The following GRM5 variants were observed in gnomAD, a reference collection of about 807,000 sequenced individuals.
GRM5 encodes the protein metabotropic glutamate receptor 5.
Under a neutral mutation model 83.1 loss-of-function variants are expected in GRM5, and 19 were observed. The ratio of observed to expected loss-of-function variants is 0.23; its 90% CI spans 0.16 to 0.34. The LOEUF is 0.34. Ranked by LOEUF, GRM5 falls within the 10% of genes least tolerant of loss-of-function variation. The probability of loss-of-function intolerance (pLI) is 1.00; values close to 1 mark genes in which losing one functional copy is unlikely to be tolerated. For missense variants in GRM5, 1,160 were observed against 1,588.3 expected (o/e 0.73, Z 4.58); for synonymous variants, 675 against 633.6 (o/e 1.07, Z -0.98).
chr11:88,643,547 A>T (rs1240698203), intron 4 of GRM5, among the ~76,000 whole-genome samples: 1 of 152,190 alleles, frequency 6.6e-6, no homozygotes, highest in Non-Finnish European at 1.5e-5. Context: ...ATTAGGGAAT[A>T]ATCCCCAAAA....
intron 2 of GRM5, among the ~76,000 whole-genome samples, chr11:88,872,787 G>A (rs867259160): frequency 6.6e-6 from 1 of 151,176 alleles, no homozygotes; most frequent in African/African-American, 2.4e-5. Flanking sequence ...AAGAACAAAT[G>A]TAAAAGAAGA....
At chr11:89,006,587 T>C (rs181420853) in intron 2 of GRM5, among the ~76,000 whole-genome samples, 1 of 152,208 alleles carries the variant, frequency 6.6e-6, no homozygotes, top group Non-Finnish European at 1.5e-5. Context: ...TCATTCATGA[T>C]TTGTCCCCTG....
intron 4 of GRM5, among the ~76,000 whole-genome samples, chr11:88,622,596 C>T (rs1418111888): frequency 1.3e-5 from 2 of 151,940 alleles, no homozygotes; most frequent in African/African-American, 2.4e-5. Flanking sequence ...GAGGGAGCTA[C>T]GAGGAAGGGG....
At chr11:88,635,785 T>C (rs1375188756) in intron 4 of GRM5, among the ~76,000 whole-genome samples, 1 of 152,170 alleles carries the variant, frequency 6.6e-6, no homozygotes, top group Non-Finnish European at 1.5e-5. Context: ...AGATTTTCCA[T>C]ATGTTTTCTT....
chr11:89,036,359 G>A (rs1231630678), intron 2 of GRM5, among the ~76,000 whole-genome samples: 1 of 151,976 alleles, frequency 6.6e-6, no homozygotes, highest in African/African-American at 2.4e-5. Flanking sequence ...ACATATATTG[G>A]TAACTTTCCT....
chr11:88,965,891 A>T (rs1938942523), intron 2 of GRM5, among the ~76,000 whole-genome samples: 1 of 152,158 alleles, frequency 6.6e-6, no homozygotes, highest in Non-Finnish European at 1.5e-5. Flanking sequence ...AATATTAGCT[A>T]CTACTTGATC....
rs189468878 is a variant in GRM5 at position 88,824,524 on chromosome 11, G to A, written c.911+25382C>T. Among the ~76,000 whole-genome samples, 388 of 152,254 alleles carry A rather than the reference G, an allele frequency of 2.5e-3. 1 individual carries two copies. Among genetic ancestry groups the A allele is most frequent in the African/African-American group, 9.1e-3 (380 of 41,538 alleles). On this transcript the variant is annotated intron_variant, in intron 3 of 9. Transcript: ENST00000305447. Reference sequence around the variant, plus strand: ...TTCCACAGGACAGTGGGGCGGGGCAGGGGGGTGGTTTCAGGGCAAAACTGT... The same window carrying A: ...TTCCACAGGACAGTGGGGCGGGGCAAGGGGGTGGTTTCAGGGCAAAACTGT...
At chr11:88,927,730 G>C (rs1273057846) in intron 2 of GRM5, among the ~76,000 whole-genome samples, 2 of 152,052 alleles carry the variant, frequency 1.3e-5, no homozygotes, top group African/African-American at 4.8e-5. Context: ...AGTATAGACA[G>C]GAAGGATTTT....
chr11:89,033,865 AAAAC>A (rs1450026730), intron 2 of GRM5, among the ~76,000 whole-genome samples: 1 of 151,948 alleles, frequency 6.6e-6, no homozygotes, highest in African/African-American at 2.4e-5. Flanking sequence ...GACTCAGAAA[AAAAC>A]AGGAATAAAA....
intron 2 of GRM5, among the ~76,000 whole-genome samples, chr11:89,032,242 A>T (rs1156865905): frequency 6.6e-6 from 1 of 152,128 alleles, no homozygotes; most frequent in Non-Finnish European, 1.5e-5. Flanking sequence ...AGGTTAAATA[A>T]GTTGTTCAAA....
intron 8 of GRM5, among the ~76,000 whole-genome samples, chr11:88,527,255 A>G (rs955369760): frequency 2.0e-5 from 3 of 152,182 alleles, no homozygotes; most frequent in African/African-American, 7.2e-5. Context: ...TCCTTAACAT[A>G]TTTTTGAATA....
chr11:88,932,353 A>G (rs2135649513), intron 2 of GRM5, among the ~76,000 whole-genome samples: 1 of 152,162 alleles, frequency 6.6e-6, no homozygotes, highest in East Asian at 1.9e-4. Flanking sequence ...ATGCCTAACA[A>G]CAGTTTATTG....
intron 7 of GRM5, among the ~76,000 whole-genome samples, chr11:88,568,201 G>A (rs1942912009): frequency 6.6e-6 from 1 of 152,148 alleles, no homozygotes. Context: ...GTCTGTGATA[G>A]GAACTATTCT....
At chr11:88,886,072 A>C (rs1390874227) in intron 2 of GRM5, among the ~76,000 whole-genome samples, 1 of 152,228 alleles carries the variant, frequency 6.6e-6, no homozygotes, top group South Asian at 2.1e-4. Context: ...TGAGCCCTGT[A>C]TAAATCAGAC....
At chr11:88,526,693 T>A (rs553487993) in intron 8 of GRM5, among the ~76,000 whole-genome samples, 25 of 152,164 alleles carry the variant, frequency 1.6e-4, no homozygotes, top group Admixed American at 2.0e-4. Context: ...AAAGTCAACA[T>A]CATTATTGAT....
chr11:88,804,430 G>A (rs10831459), intron 3 of GRM5, among the ~76,000 whole-genome samples: 58,661 of 148,560 alleles, frequency 0.39, 13,109 homozygotes, highest in African/African-American at 0.59. Flanking sequence ...GTAAACTATC[G>A]CAAGAACAAA....
chr11:88,777,144 A>G (rs1262461057), intron 3 of GRM5, among the ~76,000 whole-genome samples: 1 of 150,376 alleles, frequency 6.6e-6, no homozygotes, highest in Non-Finnish European at 1.5e-5. Flanking sequence ...ATTTCTTTTT[A>G]CTCCTTCTCT....
intron 3 of GRM5, among the ~76,000 whole-genome samples, chr11:88,687,168 A>T (rs1440059385): frequency 2.0e-5 from 3 of 151,928 alleles, no homozygotes; most frequent in Non-Finnish European, 4.4e-5. Context: ...AATCATTCAG[A>T]AGTTCATCAT....
chr11:88,798,817 A>C (rs933544433), intron 3 of GRM5, among the ~76,000 whole-genome samples: 8 of 143,130 alleles, frequency 5.6e-5, no homozygotes, highest in Non-Finnish European at 9.0e-5. Flanking sequence ...AAAAAAAAAA[A>C]AAAAAAAAAA....
Sources: allele counts gnomAD v4.1 joint callset (sites outside exome capture counted in the v4.1 genomes callset), GRCh38; gene constraint gnomAD v4.1.1; transcripts MANE v1.5; gene names NCBI Gene and HGNC (gene_info 2026-07-23, HGNC 2026-07-21).